Variants in PPM1B observed in about 807,000 individuals in gnomAD.
PPM1B encodes protein phosphatase 1B.
In PPM1B, 22 loss-of-function variants were observed where a neutral mutation model predicts 43.0. That is an observed-to-expected ratio of 0.51 (90% confidence interval 0.37 to 0.73). PPM1B has a LOEUF of 0.73. Among genes scored for constraint, PPM1B ranks in the 30% least tolerant of loss-of-function variants. The pLI, the probability that PPM1B is intolerant of heterozygous loss-of-function variation, is 0.00. For missense variants in PPM1B, 632 were observed against 584.2 expected, an observed-to-expected ratio of 1.08 and a Z score of -0.84; for synonymous variants, 217 against 197.9, an observed-to-expected ratio of 1.10 and a Z score of -0.81.
At chr2:44,238,117 A>C (rs929154834), downstream of PPM1B, among the ~76,000 whole-genome samples, 1 of 151,766 alleles carries the variant, frequency 6.6e-6, no homozygotes, top group African/African-American at 2.4e-5. Flanking sequence ...TGGCCAGGCT[A>C]GTCTTGAACT....
chr2:44,230,628 G>A lies in PPM1B; in HGVS notation c.1350G>A (p.Gln450=). 6.2e-7 allele frequency: 1 copy of A among 1,614,162 alleles called. No individual in the cohort carries two copies. The change falls in exon 6 of 6, where the codon CAG becomes CAA. Residue 450 remains glutamine (Q), a synonymous_variant. Coordinates refer to ENST00000282412, the MANE Select transcript of PPM1B (RefSeq NM_002706.6). The stretch of plus-strand genomic sequence containing the variant: ...ATGCTGGAAACCCAGTGACAATGCA[G>A]GAAAGCCATACTGAATCAGAAAGTG... ...NSDAGNPVTM[Q]ESHTESESGL... is the part of the protein sequence containing the mutation.
chr2:44,214,322 G>A (rs1308042102), intron 3 of PPM1B, among the ~76,000 whole-genome samples: 1 of 151,624 alleles, frequency 6.6e-6, no homozygotes, highest in Non-Finnish European at 1.5e-5. Flanking sequence ...GCCCGCCTCG[G>A]CCTCCCAAAG....
intron 5 of PPM1B, 91 bp from the exon 6 acceptor site, chr2:44,230,322 G>C: frequency 3.3e-6 from 5 of 1,533,938 alleles, no homozygotes; most frequent in South Asian, 2.6e-5. Context: ...CTTTTCGGTA[G>C]AGAAATTAGT....
At chr2:44,187,160 C>T (rs1306442787) in intron 1 of PPM1B, among the ~76,000 whole-genome samples, 2 of 152,146 alleles carry the variant, frequency 1.3e-5, no homozygotes, top group African/African-American at 4.8e-5. Flanking sequence ...GTTTTAGATA[C>T]CCCATGTAAG....
rs777338579 is a variant in PPM1B at position 44,230,671 on chromosome 2, A to T, written c.1393A>T (p.Ser465Cys). 1.2e-6 allele frequency: 2 copies of T among 1,613,628 alleles called. No homozygotes were observed. Among genetic ancestry groups the T allele is most frequent in the Non-Finnish European group, 1.7e-6 (2 of 1,179,662 alleles). Residue 465 changes from serine to cysteine, a missense_variant, in exon 6 of 6, where the codon AGC becomes TGC. Physicochemically the swap from Ser to Cys is moderately radical, Grantham distance 112. Coordinates refer to ENST00000282412, the MANE Select transcript of PPM1B (RefSeq NM_002706.6). The stretch of plus-strand genomic sequence containing the variant: ...AGAAAGTGGTCTTGCTGAATTAGAC[A>T]GCTCTAATGAAGATGCAGGGACAAA... ...ESESGLAELD[S>C]SNEDAGTKMS...
chr2:44,190,854 A>G (rs1668374605), intron 1 of PPM1B, among the ~76,000 whole-genome samples: 1 of 152,244 alleles, frequency 6.6e-6, no homozygotes, highest in African/African-American at 2.4e-5. Context: ...ATAATAAAAT[A>G]AATTGTACAA....
At chr2:44,173,994 T>C (rs529224312) in intron 1 of PPM1B, among the ~76,000 whole-genome samples, 1 of 152,354 alleles carries the variant, frequency 6.6e-6, no homozygotes, top group Admixed American at 6.5e-5. Flanking sequence ...CTCAAGAACC[T>C]TGTAGCTTAA....
At chr2:44,232,463 T>G (rs1026130635), downstream of PPM1B, 7 of 1,545,262 alleles carry the variant, frequency 4.5e-6, no homozygotes, top group Admixed American at 8.7e-5. Flanking sequence ...TTTTGTGATA[T>G]GAGCAGAAAA....
chr2:44,241,048 G>C (rs1372339151), intron 5 of PPM1B, among the ~76,000 whole-genome samples: 1 of 140,934 alleles, frequency 7.1e-6, no homozygotes, highest in East Asian at 2.1e-4. Flanking sequence ...TTGTCGCCCA[G>C]GCTGCAGTGC....
At chr2:44,226,575 G>T (rs1318753282) in intron 5 of PPM1B, among the ~76,000 whole-genome samples, 1 of 152,036 alleles carries the variant, frequency 6.6e-6, no homozygotes, top group Non-Finnish European at 1.5e-5. Flanking sequence ...CTGAATCTGT[G>T]TATTTTGAAA....
intron 1 of PPM1B, among the ~76,000 whole-genome samples, chr2:44,190,227 C>G (rs1668345437): frequency 6.7e-6 from 1 of 149,356 alleles, no homozygotes; most frequent in East Asian, 2.0e-4. Flanking sequence ...CCAATCTCAG[C>G]TCACTGCAAC....
rs143705626 is a variant in PPM1B at position 44,225,120 on chromosome 2, G to A, written c.1135-5293G>A. ...TTCATCACTTATAAAAATGATAACT[G>A]GAATCCTTACTTTGTAGGGTACCTG... On this transcript the variant is annotated intron_variant, in intron 5 of 5. Transcript: ENST00000282412. 3.2e-3 allele frequency among the ~76,000 whole-genome samples: 489 copies of A among 152,188 alleles called. 2 individuals carry two copies. The highest frequency in any genetic ancestry group is 0.011 in the African/African-American group (453 of 41,526).
downstream of PPM1B, chr2:44,233,162 GTTTTAA>G: frequency 1.0e-6 from 1 of 961,210 alleles, no homozygotes; most frequent in Non-Finnish European, 1.2e-6. Context: ...GGTTTCTATA[GTTTTAA>G]TTTTTTCAGC....
intron 1 of PPM1B, among the ~76,000 whole-genome samples, chr2:44,179,669 T>C (rs143546475): frequency 1.7e-4 from 26 of 152,292 alleles, no homozygotes; most frequent in Admixed American, 4.6e-4. Flanking sequence ...ATATTAGATA[T>C]TAGATTTAGA....
At chr2:44,177,742 A>G (rs752305233) in intron 1 of PPM1B, among the ~76,000 whole-genome samples, 3 of 151,730 alleles carry the variant, frequency 2.0e-5, no homozygotes, top group Non-Finnish European at 2.9e-5. Context: ...TCTAAATAGC[A>G]TATAGTACTG....
intron 3 of PPM1B, among the ~76,000 whole-genome samples, chr2:44,212,186 C>T (rs978894009): frequency 2.0e-5 from 3 of 152,144 alleles, no homozygotes; most frequent in Admixed American, 2.0e-4. Context: ...CAATGAGAGC[C>T]TCTTAAAACT....
chr2:44,187,540 G>C (rs1296905170), intron 1 of PPM1B, among the ~76,000 whole-genome samples: 1 of 152,154 alleles, frequency 6.6e-6, no homozygotes, highest in Non-Finnish European at 1.5e-5. Flanking sequence ...TTGGCCATCT[G>C]AAAGTCCATA....
chr2:44,230,179 CTG>C (rs760091193), intron 5 of PPM1B: 30 of 1,422,532 alleles, frequency 2.1e-5, no homozygotes, highest in Middle Eastern at 1.9e-4. Flanking sequence ...CTTTAAATGA[CTG>C]TGAAATAAGA....
intron 1 of PPM1B, among the ~76,000 whole-genome samples, chr2:44,192,765 C>T (rs1028492647): frequency 1.3e-5 from 2 of 152,196 alleles, no homozygotes; most frequent in East Asian, 3.8e-4. Flanking sequence ...CTACTCTCTG[C>T]TTCTATGAGT....
Sources: allele counts gnomAD v4.1 joint callset (sites outside exome capture counted in the v4.1 genomes callset), GRCh38; gene constraint gnomAD v4.1.1; transcripts MANE v1.5; gene names NCBI Gene and HGNC (gene_info 2026-07-23, HGNC 2026-07-21).